The following KCNMA1 variants were observed in gnomAD, a reference collection of about 807,000 sequenced individuals.
KCNMA1 encodes the protein potassium calcium-activated channel subfamily M alpha 1.
A neutral mutation model predicts 140.0 loss-of-function variants in KCNMA1; 29 were observed. That is an observed-to-expected ratio of 0.21 (90% CI 0.15 to 0.28). KCNMA1 has a LOEUF of 0.28. KCNMA1 is among the 10% of genes least tolerant of loss of function. The pLI is 1.00. For missense variants in KCNMA1, 880 were observed against 1,602.2 expected (o/e 0.55, Z 7.70); for synonymous variants, 612 against 611.9 (o/e 1.00, Z 0.00).
chr10:77,276,956 A>C (rs910477074), intron 2 of KCNMA1, among the ~76,000 whole-genome samples: 3 of 152,192 alleles, frequency 2.0e-5, no homozygotes, highest in African/African-American at 7.2e-5. Context: ...ACTGAGGCCC[A>C]GGGCTGTTAG....
chr10:77,541,448 T>C (rs1461988180), intron 1 of KCNMA1, among the ~76,000 whole-genome samples: 1 of 152,138 alleles, frequency 6.6e-6, no homozygotes, highest in African/African-American at 2.4e-5. Context: ...AATCCCTATT[T>C]TGCATGAGAC....
chr10:76,977,384 G>T (rs758697411), intron 19 of KCNMA1, among the ~76,000 whole-genome samples: 2 of 152,176 alleles, frequency 1.3e-5, no homozygotes, highest in Non-Finnish European at 2.9e-5. Flanking sequence ...CCACTAAAAA[G>T]ATATGAAATT....
chr10:76,947,071 A>T (rs566874502), intron 22 of KCNMA1, among the ~76,000 whole-genome samples: 1 of 152,284 alleles, frequency 6.6e-6, no homozygotes, highest in East Asian at 1.9e-4. Context: ...GCGGTGGCTG[A>T]TGCCTGTAAT....
intron 1 of KCNMA1, among the ~76,000 whole-genome samples, chr10:77,481,645 G>A (rs1463624953): frequency 6.6e-6 from 1 of 151,894 alleles, no homozygotes; most frequent in African/African-American, 2.4e-5. Context: ...CATGGTGGCA[G>A]GCCCCTGTAG....
chr10:77,407,021 T>C (rs757534504), intron 1 of KCNMA1, among the ~76,000 whole-genome samples: 15 of 152,216 alleles, frequency 9.9e-5, no homozygotes, highest in Non-Finnish European at 1.9e-4. Context: ...ATGTGGCAGA[T>C]AATGCTATTT....
chr10:77,160,713 T>C (rs1434626622), intron 5 of KCNMA1, among the ~76,000 whole-genome samples: 1 of 152,244 alleles, frequency 6.6e-6, no homozygotes. Flanking sequence ...AATACAGTAA[T>C]GCTTACAAAA....
chr10:77,434,993 T>A (rs896604660), intron 1 of KCNMA1, among the ~76,000 whole-genome samples: 11 of 152,152 alleles, frequency 7.2e-5, no homozygotes, highest in African/African-American at 2.7e-4. Flanking sequence ...TCACTCTGCC[T>A]CCTAGGATGG....
chr10:77,223,598 G>C (rs2050371677), intron 3 of KCNMA1, among the ~76,000 whole-genome samples: 1 of 152,226 alleles, frequency 6.6e-6, no homozygotes, highest in South Asian at 2.1e-4. Flanking sequence ...GGGAGGGTCA[G>C]AGCGATGGAG....
rs777197385 is a variant in KCNMA1, at chr10:77,120,965, C to T, written c.884+8G>A. 10 of 1,534,934 alleles carry T rather than the reference C, an allele frequency of 6.5e-6. No individual in the cohort carries two copies. In the Admixed American group the frequency reaches 1.3e-4, roughly 21 times the overall value. Reference sequence around the variant, plus strand: ...GGAATGAAAAAAATATGACGAAGAACATCTTACCTTGTTTTAAGAATATTC... The same window carrying T: ...GGAATGAAAAAAATATGACGAAGAATATCTTACCTTGTTTTAAGAATATTC... On this transcript the variant is annotated splice_region_variant and intron_variant, in intron 6 of 27. Coordinates refer to ENST00000286628, the MANE Select transcript of KCNMA1 (RefSeq NM_001161352.2).
chr10:77,213,278 C>G (rs1252943185), intron 3 of KCNMA1, among the ~76,000 whole-genome samples: 6 of 152,154 alleles, frequency 3.9e-5, no homozygotes, highest in Non-Finnish European at 8.8e-5. Context: ...TAGCTTTCAG[C>G]ACCTATACTT....
At chr10:76,906,300 G>A (rs1026355104) in intron 25 of KCNMA1, among the ~76,000 whole-genome samples, 3 of 152,202 alleles carry the variant, frequency 2.0e-5, no homozygotes, top group Non-Finnish European at 4.4e-5. Context: ...GCGACTGTGT[G>A]CATCAAGATG....
intron 5 of KCNMA1, among the ~76,000 whole-genome samples, chr10:77,170,077 G>A (rs1047402776): frequency 6.6e-6 from 1 of 152,198 alleles, no homozygotes; most frequent in Non-Finnish European, 1.5e-5. Flanking sequence ...TGTAATCCCA[G>A]CTACTTGGGA....
chr10:77,180,141 A>G (rs1250255040), intron 5 of KCNMA1, among the ~76,000 whole-genome samples: 1 of 152,186 alleles, frequency 6.6e-6, no homozygotes, highest in Non-Finnish European at 1.5e-5. Context: ...ATGGGGATAG[A>G]CTTCGGTTTC....
chr10:77,605,381 C>T (rs538348385), intron 1 of KCNMA1, among the ~76,000 whole-genome samples: 3 of 152,296 alleles, frequency 2.0e-5, no homozygotes, highest in Non-Finnish European at 4.4e-5. Context: ...GACGTGATTC[C>T]CATCTTTTAG....
chr10:77,060,723 G>A (rs554902977), intron 14 of KCNMA1, among the ~76,000 whole-genome samples: 2 of 152,156 alleles, frequency 1.3e-5, no homozygotes, highest in Non-Finnish European at 2.9e-5. Flanking sequence ...AGTGATTAAC[G>A]ATCTTGTGAT....
At chr10:77,350,234 T>C (rs1351912299) in intron 2 of KCNMA1, 1 of 152,202 alleles carries the variant, frequency 6.6e-6, no homozygotes, top group African/African-American at 2.4e-5. Context: ...TACTGATGCA[T>C]AGGGCACACC....
At chr10:77,009,677 C>T (rs2090215143) in intron 18 of KCNMA1, among the ~76,000 whole-genome samples, 1 of 152,168 alleles carries the variant, frequency 6.6e-6, no homozygotes, top group African/African-American at 2.4e-5. Flanking sequence ...TCTCATACTA[C>T]CCTTTCCCCA....
intron 15 of KCNMA1, among the ~76,000 whole-genome samples, chr10:77,034,113 A>AG: frequency 1.3e-5 from 2 of 152,068 alleles, no homozygotes; most frequent in South Asian, 4.2e-4. Context: ...TTGTGGTGGC[A>AG]CACGTCTCTA....
In KCNMA1 at chr10:77,097,047, G is replaced by C. The variant is rs2096950948; in HGVS notation, c.1224-6537C>G. ...TGGTCAGCACCAAAGCTTCACGTTT[G>C]CCCCCCTAGGTTGACCTTGAACCCT... On this transcript the variant is annotated intron_variant, in intron 9 of 27. Coordinates refer to ENST00000286628, the MANE Select transcript of KCNMA1 (RefSeq NM_001161352.2). Among the ~76,000 whole-genome samples, 4 of 152,158 alleles carry C rather than the reference G, an allele frequency of 2.6e-5. No homozygotes were observed. The South Asian group carries it at 8.3e-4, about 32-fold the overall frequency.
Sources: allele counts gnomAD v4.1 joint callset (sites outside exome capture counted in the v4.1 genomes callset), GRCh38; gene constraint gnomAD v4.1.1; transcripts MANE v1.5; gene names NCBI Gene and HGNC (gene_info 2026-07-23, HGNC 2026-07-21).